The following UGT1A7 variants were observed in gnomAD, a reference collection of about 807,000 sequenced individuals.
UGT1A7 encodes the protein UDP glucuronosyltransferase family 1 member A7.
In UGT1A7, 33 loss-of-function variants were observed where a neutral mutation model predicts 45.6. The observed-to-expected ratio is 0.72, with a 90% CI of 0.55 to 0.97. The LOEUF (loss-of-function observed/expected upper bound fraction) is 0.97, where lower values mean the gene tolerates loss of function less well. Ranked by LOEUF, UGT1A7 falls within the 50% of genes least tolerant of loss-of-function variation. UGT1A7 has a pLI of 0.00. For synonymous variants in UGT1A7, 274 were observed against 250.6 expected (o/e 1.09, Z -0.88); for missense variants, 684 against 666.2 (o/e 1.03, Z -0.29).
At chr2:233,737,202 T>A (rs1346629064) in intron 1 of UGT1A7, among the ~76,000 whole-genome samples, 3 of 152,198 alleles carry the variant, frequency 2.0e-5, no homozygotes, top group Non-Finnish European at 4.4e-5. Flanking sequence ...TGAGCTGCGG[T>A]GGACTCTGTT....
intron 1 of UGT1A7, chr2:233,717,670 G>A (rs541224829): frequency 2.4e-6 from 1 of 419,168 alleles, no homozygotes; most frequent in African/African-American, 2.0e-5. Context: ...CAGCAATCTT[G>A]CGAGCACATG....
rs942942748 is a variant in UGT1A7, at chr2:233,747,245, G to A, written c.856-19789G>A. 1.9e-6 allele frequency: 3 copies of A among 1,602,546 alleles called. No individual in the cohort carries two copies. In the African/African-American group the frequency reaches 4.0e-5, roughly 22 times the overall value. On this transcript the variant is annotated intron_variant, in intron 1 of 4. Transcript: ENST00000373426. ...ACAGGACCCCAGGTTCCCCTGCTGT[G>A]GCTGGCCACAGGAGTGCTACTCCTT... is the stretch of plus-strand genomic sequence containing the variant.
chr2:233,772,614 C>A lies in UGT1A7; in HGVS notation c.*55C>A, dbSNP rs1700539224. On this transcript the variant is annotated 3_prime_UTR_variant, in exon 5 of 5. Transcript: ENST00000373426. ...GAACCATTCCCTAGTCATTTCCAAA[C>A]TTGAAAACAGAATCAGTGTTAAATT... The A allele has an allele frequency of 3.2e-6, 5 of 1,575,710 alleles. No homozygotes were observed. The highest frequency in any genetic ancestry group is 4.3e-6 in the Non-Finnish European group (5 of 1,159,842).
intron 1 of UGT1A7, among the ~76,000 whole-genome samples, chr2:233,736,036 C>T (rs2078722234): frequency 6.6e-6 from 1 of 152,082 alleles, no homozygotes; most frequent in Non-Finnish European, 1.5e-5. Context: ...CTCTGTATTT[C>T]CTGAATTTGA....
intron 1 of UGT1A7, among the ~76,000 whole-genome samples, chr2:233,734,275 T>G (rs2078506327): frequency 6.6e-6 from 1 of 152,188 alleles, no homozygotes; most frequent in Non-Finnish European, 1.5e-5. Context: ...GTCCAGGAAT[T>G]TATCCATTTC....
intron 1 of UGT1A7, among the ~76,000 whole-genome samples, chr2:233,742,483 C>T (rs1442583410): frequency 6.6e-6 from 1 of 151,916 alleles, no homozygotes; most frequent in African/African-American, 2.4e-5. Context: ...TCACAACCTT[C>T]AGCATAGGCA....
At chr2:233,756,056 A>G (rs1035647864) in intron 1 of UGT1A7, 1 of 152,220 alleles carries the variant, frequency 6.6e-6, no homozygotes, top group African/African-American at 2.4e-5. Context: ...TCCACTGTAC[A>G]CTTGTGGGAG....
chr2:233,735,127 C>T (rs965773877), intron 1 of UGT1A7, among the ~76,000 whole-genome samples: 26 of 152,130 alleles, frequency 1.7e-4, no homozygotes, highest in Non-Finnish European at 2.9e-5. Flanking sequence ...TAAAGTCTCT[C>T]ATTATTATTG....
chr2:233,735,768 A>T (rs1170033276), intron 1 of UGT1A7, among the ~76,000 whole-genome samples: 1 of 152,144 alleles, frequency 6.6e-6, no homozygotes, highest in Non-Finnish European at 1.5e-5. Flanking sequence ...TTCACTTATG[A>T]AGCTTACTTT....
At chr2:233,772,141 A>G in intron 4 of UGT1A7, 121 bp from the exon 5 acceptor site, 1 of 1,549,926 alleles carries the variant, frequency 6.5e-7, no homozygotes, top group South Asian at 1.2e-5. Context: ...CAATAATAGA[A>G]ACAGGTTTCC....
intron 1 of UGT1A7, among the ~76,000 whole-genome samples, chr2:233,696,605 C>CCTTT (rs57635371): frequency 7.9e-5 from 12 of 151,622 alleles, no homozygotes; most frequent in African/African-American, 2.7e-4. Flanking sequence ...ACTTGGATGC[C>CCTTT]CTTTCTTTCT....
chr2:233,685,003 T>TTG (rs772799143), intron 1 of UGT1A7, among the ~76,000 whole-genome samples: 9 of 152,162 alleles, frequency 5.9e-5, no homozygotes, highest in South Asian at 2.1e-4. Context: ...TATGTGGTGT[T>TTG]TGTGCACGTA....
Position 233,767,829 on chromosome 2 carries a change from G to A in UGT1A7, c.988-20G>A. On this transcript the variant is annotated intron_variant, in intron 2 of 4. Coordinates refer to ENST00000373426, the MANE Select transcript of UGT1A7 (RefSeq NM_019077.3). ...ATATTATGTTCTTTCTTTACGTTCT[G>A]CTCTTTTTGCCCCTCCCAGGTCCTG... 6.2e-7 allele frequency: 1 copy of A among 1,614,106 alleles called. No individual in the cohort carries two copies.
chr2:233,769,491 G>A lies in UGT1A7; in HGVS notation c.1295+1052G>A. 1 of 1,612,664 alleles carries A rather than the reference G, an allele frequency of 6.2e-7. No individual in the cohort carries two copies. The highest frequency in any genetic ancestry group is 8.5e-7 in the Non-Finnish European group (1 of 1,179,770). On this transcript the variant is annotated intron_variant, in intron 4 of 4. Coordinates refer to ENST00000373426, the MANE Select transcript of UGT1A7 (RefSeq NM_019077.3). This position sits in a 1 kb window ranked among gnomAD's most constrained non-coding sequence, Gnocchi z 4.4. Reference sequence around the variant, plus strand: ...TGTGTGTGTGTGTGCGTGTGTTTATGAGAGTGTCCATTGCTTTCTCCCATG... The same window carrying A: ...TGTGTGTGTGTGTGCGTGTGTTTATAAGAGTGTCCATTGCTTTCTCCCATG...
At chr2:233,694,141 T>G (rs1331885877) in intron 1 of UGT1A7, among the ~76,000 whole-genome samples, 1 of 152,094 alleles carries the variant, frequency 6.6e-6, no homozygotes, top group African/African-American at 2.4e-5. Context: ...GAATGAGCCT[T>G]AGAAATGTCC....
At chr2:233,728,607 C>G (rs868048236) in intron 1 of UGT1A7, among the ~76,000 whole-genome samples, 1 of 152,210 alleles carries the variant, frequency 6.6e-6, no homozygotes, top group South Asian at 2.1e-4. Flanking sequence ...CCAGCCTCCA[C>G]GCTGTTCAGA....
chr2:233,722,779 T>A (rs1468738434), intron 1 of UGT1A7, among the ~76,000 whole-genome samples: 1 of 152,134 alleles, frequency 6.6e-6, no homozygotes, highest in Non-Finnish European at 1.5e-5. Flanking sequence ...TCTGATATTG[T>A]TAATAATTTT....
chr2:233,702,531 T>C (rs1221422029), intron 1 of UGT1A7, among the ~76,000 whole-genome samples: 1 of 152,214 alleles, frequency 6.6e-6, no homozygotes, highest in Non-Finnish European at 1.5e-5. Flanking sequence ...ATTCTTATCT[T>C]GTTCCTGATC....
At chr2:233,770,673 AAAG>A (rs1468674033) in intron 4 of UGT1A7, 2 of 152,078 alleles carry the variant, frequency 1.3e-5, no homozygotes, top group Admixed American at 6.6e-5. Context: ...AAAAAAAAAA[AAAG>A]AAGGTTCCAA....
Sources: allele counts gnomAD v4.1 joint callset (sites outside exome capture counted in the v4.1 genomes callset), GRCh38; gene constraint gnomAD v4.1.1; non-coding constraint Gnocchi (gnomAD v3.1); transcripts MANE v1.5; gene names NCBI Gene and HGNC (gene_info 2026-07-23, HGNC 2026-07-21).